SAMD5: variants seen among roughly 807,000 people sequenced by gnomAD.
SAMD5 encodes sterile alpha motif domain containing 5.
In SAMD5, 13 loss-of-function variants were observed where a neutral mutation model predicts 11.3. That is an observed-to-expected ratio of 1.15 (90% confidence interval 0.75 to 1.83). SAMD5 has a LOEUF of 1.83. Ranked by LOEUF, SAMD5 falls within the 40% of genes most tolerant of loss-of-function variation. The pLI, the probability that SAMD5 is intolerant of heterozygous loss-of-function variation, is 0.00. For missense variants in SAMD5, 255 were observed against 239.1 expected (o/e 1.07, Z -0.44); for synonymous variants, 129 against 111.3 (o/e 1.16, Z -1.00).
chr6:147,615,740 A>G (rs963685125), intron 1 of SAMD5, among the ~76,000 whole-genome samples: 2 of 152,218 alleles, frequency 1.3e-5, no homozygotes, highest in Non-Finnish European at 2.9e-5. Context: ...CGGTATAAAC[A>G]TATCTTCCTC....
the SAMD5 span, among the ~76,000 whole-genome samples, chr6:147,838,347 C>T: frequency 6.6e-6 from 1 of 152,154 alleles, no homozygotes; most frequent in African/African-American, 2.4e-5. Context: ...GAACTAAGTT[C>T]ATGAACCTTG....
chr6:147,614,643 G>A (rs1789839143), intron 1 of SAMD5, among the ~76,000 whole-genome samples: 1 of 151,912 alleles, frequency 6.6e-6, no homozygotes, highest in South Asian at 2.1e-4. Flanking sequence ...GGTGTAGGAA[G>A]CTGGAAAGTG....
chr6:147,693,296 G>A (rs536192870), intron 1 of SAMD5, among the ~76,000 whole-genome samples: 9 of 152,330 alleles, frequency 5.9e-5, no homozygotes, highest in South Asian at 2.1e-4. Context: ...ATGGAGGTGC[G>A]GTGAGGAATG....
At chr6:147,676,731 C>T (rs1273752037) in intron 1 of SAMD5, among the ~76,000 whole-genome samples, 9 of 147,876 alleles carry the variant, frequency 6.1e-5, no homozygotes, top group Non-Finnish European at 1.2e-4. Flanking sequence ...TAAACCAGAC[C>T]TTGAAGAAGC....
the SAMD5 span, among the ~76,000 whole-genome samples, chr6:147,864,279 C>T: frequency 2.3e-4 from 35 of 152,202 alleles, no homozygotes; most frequent in African/African-American, 7.0e-4. Flanking sequence ...TTTCACTGTT[C>T]GAGAATTCTT....
the SAMD5 span, among the ~76,000 whole-genome samples, chr6:147,806,484 G>C: frequency 6.6e-6 from 1 of 152,156 alleles, no homozygotes; most frequent in Non-Finnish European, 1.5e-5. Context: ...CATTGCCACG[G>C]TTTTTGGAAC....
the SAMD5 span, among the ~76,000 whole-genome samples, chr6:147,810,682 A>G: frequency 1.9e-4 from 29 of 152,302 alleles, no homozygotes; most frequent in Non-Finnish European, 3.7e-4. Flanking sequence ...CACAATTAAC[A>G]TTTCGGTAGC....
At chr6:147,640,633 A>G (rs1317930933) in intron 1 of SAMD5, among the ~76,000 whole-genome samples, 1 of 152,192 alleles carries the variant, frequency 6.6e-6, no homozygotes, top group Non-Finnish European at 1.5e-5. Context: ...GAAGAAGGAC[A>G]TATTATTAAC....
chr6:147,734,450 CTCACGCCTGTAA>C (rs1791761763), intron 1 of SAMD5, among the ~76,000 whole-genome samples: 1 of 152,112 alleles, frequency 6.6e-6, no homozygotes, highest in Non-Finnish European at 1.5e-5. Flanking sequence ...GGCGTGGTGG[CTCACGCCTGTAA>C]TCCCAGCATT....
the SAMD5 span, among the ~76,000 whole-genome samples, chr6:147,909,620 CTTTCT>C: frequency 3.0e-5 from 2 of 67,368 alleles, no homozygotes; most frequent in African/African-American, 9.0e-5. Context: ...TTCTTTCTTT[CTTTCT>C]TTCTTTCTCT....
chr6:147,798,879 T>C, the SAMD5 span, among the ~76,000 whole-genome samples: 23 of 152,294 alleles, frequency 1.5e-4, no homozygotes, highest in African/African-American at 5.5e-4. Context: ...TATCAGAGAC[T>C]AGGATTGCAA....
chr6:147,706,636 G>A (rs1232738409), intron 1 of SAMD5, among the ~76,000 whole-genome samples: 3 of 152,202 alleles, frequency 2.0e-5, no homozygotes, highest in Non-Finnish European at 4.4e-5. Context: ...TGAAAATACA[G>A]AATTCTTGGG....
intron 1 of SAMD5, among the ~76,000 whole-genome samples, chr6:147,671,889 A>ATTTTTTTTTTTTTTTTTTTTTTTTCTTTT (rs56865442): frequency 1.0e-5 from 1 of 98,070 alleles, no homozygotes; most frequent in Admixed American, 1.1e-4. Context: ...CTTTTTCAGG[A>ATTTTTTTTTTTTTTTTTTTTTTTTCTTTT]TTTTTTTTTT....
chr6:147,508,792 C>T lies in SAMD5; in HGVS notation c.-137C>T, dbSNP rs76970923. On this transcript the variant is annotated 5_prime_UTR_variant, in exon 1 of 2. Transcript: ENST00000367474. The stretch of plus-strand genomic sequence containing the variant: ...GATGGTTTTCCGTCTCCTGCCCGAG[C>T]CTTTCCTTTAAAAGGAAAACTTTAC... 7.5e-7 allele frequency: 1 copy of T among 1,326,306 alleles called. No individual in the cohort carries two copies. Among genetic ancestry groups the T allele is most frequent in the Admixed American group, 3.3e-5 (1 of 29,976 alleles). The allele number at this position is 1,326,306 out of a possible 1,614,324, so 82.2% of individuals were successfully genotyped here.
intron 1 of SAMD5, among the ~76,000 whole-genome samples, chr6:147,555,751 C>G (rs1788845248): frequency 6.6e-6 from 1 of 152,228 alleles, no homozygotes; most frequent in South Asian, 2.1e-4. Context: ...AAGAAAAGTT[C>G]ATTGATATGG....
At chr6:147,877,184 G>A in the SAMD5 span, among the ~76,000 whole-genome samples, 1 of 151,864 alleles carries the variant, frequency 6.6e-6, no homozygotes, top group African/African-American at 2.4e-5. Context: ...CACAATACCT[G>A]GCGCATAGTA....
rs573757762 is a variant in SAMD5, at chr6:147,549,433, A to T, written c.460-14961A>T. 2.0e-5 allele frequency among the ~76,000 whole-genome samples: 3 copies of T among 152,320 alleles called. No individual in the cohort carries two copies. In the South Asian group the frequency reaches 6.2e-4, roughly 32 times the overall value. On this transcript the variant is annotated intron_variant, in intron 1 of 1. Coordinates refer to ENST00000367474, the MANE Select transcript of SAMD5 (RefSeq NM_001030060.3). The stretch of plus-strand genomic sequence containing the variant: ...GAACAGGAAGTGCAAGGATATTAAC[A>T]TCCATGAGACAAACCTTGACAAATG...
At chr6:147,848,852 T>C in the SAMD5 span, among the ~76,000 whole-genome samples, 5 of 152,260 alleles carry the variant, frequency 3.3e-5, no homozygotes, top group South Asian at 1.0e-3. Context: ...CGTTTTCATC[T>C]ATCATGCATA....
chr6:147,837,243 T>G, the SAMD5 span, among the ~76,000 whole-genome samples: 1 of 152,174 alleles, frequency 6.6e-6, no homozygotes, highest in Admixed American at 6.5e-5. Flanking sequence ...TCTCAAAGCT[T>G]CTTCTTACCC....
Sources: allele counts gnomAD v4.1 joint callset (sites outside exome capture counted in the v4.1 genomes callset), GRCh38; gene constraint gnomAD v4.1.1; transcripts MANE v1.5; gene names NCBI Gene and HGNC (gene_info 2026-07-23, HGNC 2026-07-21).